The following TRAK1 variants were observed in gnomAD, a reference collection of about 807,000 sequenced individuals.
TRAK1 encodes trafficking kinesin protein 1.
A neutral mutation model predicts 92.1 loss-of-function variants in TRAK1; 33 were observed. That is an observed-to-expected ratio of 0.36 (90% CI 0.27 to 0.48). The LOEUF (loss-of-function observed/expected upper bound fraction) is 0.48. Ranked by LOEUF, TRAK1 falls within the 20% of genes least tolerant of loss-of-function variation. The pLI, the probability that TRAK1 is intolerant of heterozygous loss-of-function variation, is 0.99. For missense variants in TRAK1, 1,123 were observed against 1,257.9 expected, an observed-to-expected ratio of 0.89 and a Z score of 1.62; for synonymous variants, 521 against 517.3, an observed-to-expected ratio of 1.01 and a Z score of -0.10.
chr3:42,107,510 C>CA (rs1399631210), intron 1 of TRAK1, among the ~76,000 whole-genome samples: 139 of 123,438 alleles, frequency 1.1e-3, no homozygotes, highest in African/African-American at 4.1e-3. Context: ...GACTCCGTTT[C>CA]AAAAAAGAAA....
intron 14 of TRAK1, chr3:42,218,424 A>G (rs1577066341): frequency 1.2e-6 from 1 of 838,750 alleles, no homozygotes; most frequent in Non-Finnish European, 1.4e-6. Flanking sequence ...CTGGGGGCTG[A>G]GCTGCTACAG....
At position 42,125,554 on chromosome 3, in the gene TRAK1, T is replaced by A; in HGVS notation, c.226T>A (p.Ser76Thr). 1 of 1,614,128 alleles carries A rather than the reference T, an allele frequency of 6.2e-7. No homozygotes were observed. ...CGACTGGCTCCATACACCTCTCATTTCTCCAGATGCCAACATTGACCTCAC... is the reference window on the plus strand; with the variant it reads ...CGACTGGCTCCATACACCTCTCATTACTCCAGATGCCAACATTGACCTCAC... ...HDDWLHTPLI[S>T]PDANIDLTTE... The change falls in exon 2 of 16, where the codon TCT becomes ACT. Residue 76 changes from serine (S) to threonine (T), a missense_variant. This residue lies in a region of TRAK1 where 686 missense variants were observed against 747.6 expected (regional missense o/e 0.92). Transcript: ENST00000327628.
chr3:42,071,402 G>T (rs1320020603), intron 1 of TRAK1, among the ~76,000 whole-genome samples: 2 of 152,028 alleles, frequency 1.3e-5, no homozygotes, highest in African/African-American at 4.8e-5. Flanking sequence ...CCAGGTGCTT[G>T]CCTTCCCATA....
intron 1 of TRAK1, among the ~76,000 whole-genome samples, chr3:42,042,669 CCTGGAA>C (rs200219408): frequency 0.11 from 17,462 of 152,032 alleles, 3,113 homozygotes; most frequent in African/African-American, 0.37. Context: ...CCGCGCCCAG[CCTGGAA>C]CTTTTATTTT....
At position 42,202,802 on chromosome 3, in the gene TRAK1, T is replaced by A. The variant is rs1359119408; in HGVS notation, c.1744+50T>A. The A allele has an allele frequency of 1.9e-6, 3 of 1,601,358 alleles. No homozygotes were observed. In the South Asian group the frequency reaches 3.3e-5, roughly 18 times the overall value. Reference sequence around the variant, plus strand: ...TCTCTGTCCTCCTGGGGGACTCCCTTTGGTCCCTGATCCACCTGCGGAAGG... The same window carrying A: ...TCTCTGTCCTCCTGGGGGACTCCCTATGGTCCCTGATCCACCTGCGGAAGG... On this transcript the variant is annotated intron_variant, in intron 13 of 15. Coordinates refer to ENST00000327628, the MANE Select transcript of TRAK1 (RefSeq NM_001042646.3). The surrounding 1 kb of genome is among the most constrained non-coding windows in gnomAD (Gnocchi z 6.1).
At chr3:42,197,455 TC>T (rs1006452074) in intron 10 of TRAK1, among the ~76,000 whole-genome samples, 4 of 152,156 alleles carry the variant, frequency 2.6e-5, no homozygotes, top group African/African-American at 4.8e-5. Context: ...TTGTTTTTTT[TC>T]CCCCCAAATT....
At chr3:42,210,991 G>A (rs760405185) in intron 14 of TRAK1, 5 of 985,444 alleles carry the variant, frequency 5.1e-6, no homozygotes, top group Non-Finnish European at 6.0e-6. Flanking sequence ...AGCATGCTCT[G>A]TCTAGACTGG....
intron 15 of TRAK1, 51 bp downstream of exon 15, chr3:42,219,647 C>T: frequency 6.3e-7 from 1 of 1,592,940 alleles, no homozygotes; most frequent in Non-Finnish European, 8.6e-7. Context: ...AGTCAGGGCA[C>T]TCCCTTCCCT....
intron 1 of TRAK1, among the ~76,000 whole-genome samples, chr3:42,032,979 G>A (rs932130299): frequency 6.6e-6 from 1 of 152,212 alleles, no homozygotes; most frequent in Non-Finnish European, 1.5e-5. Context: ...AATTTTTCCT[G>A]TGGAGTTATG....
At chr3:42,175,994 T>G (rs140500682) in intron 2 of TRAK1, among the ~76,000 whole-genome samples, 1 of 152,328 alleles carries the variant, frequency 6.6e-6, no homozygotes, top group Non-Finnish European at 1.5e-5. Flanking sequence ...TGGTGTTTGT[T>G]GAGCGGCGAA....
intron 1 of TRAK1, among the ~76,000 whole-genome samples, chr3:42,069,371 G>A (rs1023028932): frequency 6.6e-6 from 1 of 151,780 alleles, no homozygotes; most frequent in African/African-American, 2.4e-5. Flanking sequence ...TGGTGCAGTG[G>A]TGCTAAGCTC....
In TRAK1 at chr3:42,223,621, C is replaced by A; in HGVS notation, c.2746C>A (p.Arg916=). The A allele has an allele frequency of 6.2e-7, 1 of 1,613,910 alleles. No homozygotes were observed. ...GCTGCAGCTCAATAGTGGCATCCGG[C>A]GGAATCGCAGCTTCCCCACCATGGT... ...GGLQLNSGIR[R]NRSFPTMVGS... The change falls in exon 16 of 16, where the codon CGG becomes AGG. Residue 916 remains arginine, a synonymous_variant. Coordinates refer to ENST00000327628, the MANE Select transcript of TRAK1 (RefSeq NM_001042646.3). The surrounding 1 kb of genome is among the most constrained non-coding windows in gnomAD (Gnocchi z 6.1).
At chr3:42,081,154 G>T (rs897858552) in intron 1 of TRAK1, among the ~76,000 whole-genome samples, 2 of 152,294 alleles carry the variant, frequency 1.3e-5, no homozygotes, top group East Asian at 1.9e-4. Context: ...TAGGATTATG[G>T]TGTGAGCCAC....
chr3:42,102,696 AG>A (rs1706961462), intron 1 of TRAK1, among the ~76,000 whole-genome samples: 1 of 152,168 alleles, frequency 6.6e-6, no homozygotes, highest in Admixed American at 6.5e-5. Context: ...CTGACCTTCC[AG>A]TGTGCATGCG....
rs921562726 is a variant in TRAK1 at position 42,160,927 on chromosome 3, T to C, written c.287-15887T>C. Among the ~76,000 whole-genome samples the C allele has an allele frequency of 4.6e-5, 7 of 152,202 alleles. No individual in the cohort carries two copies. In the East Asian group the frequency reaches 1.2e-3, roughly 25 times the overall value. On this transcript the variant is annotated intron_variant, in intron 2 of 15. Coordinates refer to ENST00000327628, the MANE Select transcript of TRAK1 (RefSeq NM_001042646.3). ...TCTGTTTTAAGAGATTCAGTTGTTA[T>C]CTTGTGACTGGTTGGGTTTTGATAA...
intron 2 of TRAK1, among the ~76,000 whole-genome samples, chr3:42,137,641 C>G (rs1056782613): frequency 6.6e-6 from 1 of 152,156 alleles, no homozygotes; most frequent in South Asian, 2.1e-4. Flanking sequence ...AAAGCAGTAA[C>G]GTATGCTATT....
intron 2 of TRAK1, among the ~76,000 whole-genome samples, chr3:42,135,688 TTCC>T (rs1317261802): frequency 1.3e-5 from 2 of 152,182 alleles, no homozygotes; most frequent in East Asian, 3.9e-4. Context: ...CCCAGCTCTC[TTCC>T]TCGTCTGACT....
At chr3:42,093,394 A>G (rs1171442379) in intron 1 of TRAK1, among the ~76,000 whole-genome samples, 3 of 152,074 alleles carry the variant, frequency 2.0e-5, no homozygotes, top group Admixed American at 6.5e-5. Flanking sequence ...GCCACCAGCT[A>G]ATCTTCCTAC....
chr3:42,209,040 T>A (rs557042979), intron 13 of TRAK1, among the ~76,000 whole-genome samples: 16 of 152,342 alleles, frequency 1.1e-4, no homozygotes, highest in East Asian at 7.7e-4. Context: ...TTGCATGATG[T>A]CATGTGAGTC....
Sources: gnomAD v4.1 joint callset for allele counts (sites outside exome capture counted in the v4.1 genomes callset) on GRCh38, gnomAD v4.1.1 for gene constraint, gnomAD v4.1.1 regional missense constraint, Gnocchi (gnomAD v3.1) non-coding constraint, MANE v1.5 for transcripts, NCBI Gene and HGNC (gene_info 2026-07-23, HGNC 2026-07-21) for gene names.